The following MAP2 variants were observed in gnomAD, a reference collection of about 807,000 sequenced individuals.
MAP2 encodes microtubule associated protein 2.
A neutral mutation model predicts 137.6 loss-of-function variants in MAP2; 14 were observed. That is an observed-to-expected ratio of 0.10 (90% CI 0.07 to 0.16). The LOEUF is 0.16. Ranked by LOEUF, MAP2 falls within the 10% of genes least tolerant of loss-of-function variation. The pLI, the probability that MAP2 is intolerant of heterozygous loss-of-function variation, is 1.00. For missense variants in MAP2, 2,088 were observed against 2,191.5 expected, an observed-to-expected ratio of 0.95 and a Z score of 0.94; for synonymous variants, 786 against 782.3, an observed-to-expected ratio of 1.00 and a Z score of -0.08.
chr2:209,708,892 C>G (rs995908899), intron 12 of MAP2, among the ~76,000 whole-genome samples: 3 of 152,168 alleles, frequency 2.0e-5, no homozygotes, highest in Admixed American at 6.5e-5. Flanking sequence ...AAGAGCTGCC[C>G]CTAACAACTG....
intron 3 of MAP2, among the ~76,000 whole-genome samples, chr2:209,610,902 G>A (rs2086624961): frequency 6.6e-6 from 1 of 152,106 alleles, no homozygotes; most frequent in Non-Finnish European, 1.5e-5. Flanking sequence ...GACCCAGGAA[G>A]CTTTTGTAGA....
At chr2:209,487,832 G>C (rs1214589041) in intron 1 of MAP2, among the ~76,000 whole-genome samples, 1 of 151,884 alleles carries the variant, frequency 6.6e-6, no homozygotes, top group Non-Finnish European at 1.5e-5. Flanking sequence ...CCTTGAGTAA[G>C]GTAGCCTCTT....
In MAP2 at chr2:209,693,957, G is replaced by GTCT. The variant is rs1346486888; in HGVS notation, c.1788_1789insCTT (p.Ser596_Asp597insLeu). 6.2e-7 allele frequency: 1 copy of GTCT among 1,613,742 alleles called. No individual in the cohort carries two copies. Among genetic ancestry groups the GTCT allele is most frequent in the African/African-American group, 1.3e-5 (1 of 74,896 alleles). ...CCAGGCAGTGATTACTATGAACTGA[G>GTCT]TGACACTAGAGAAAGTGTCCATGAG... On this transcript the variant is annotated inframe_insertion, in exon 8 of 16. Transcript: ENST00000682079.
At chr2:209,657,243 G>A (rs1196683484) in intron 5 of MAP2, among the ~76,000 whole-genome samples, 3 of 152,154 alleles carry the variant, frequency 2.0e-5, no homozygotes, top group Admixed American at 6.5e-5. Flanking sequence ...AAATATATGA[G>A]TGCAGGTGTC....
intron 1 of MAP2, among the ~76,000 whole-genome samples, chr2:209,472,488 TA>T (rs1266283336): frequency 6.6e-6 from 1 of 152,126 alleles, no homozygotes; most frequent in Non-Finnish European, 1.5e-5. Flanking sequence ...AAGTGACACT[TA>T]AAAGCTCATG....
chr2:209,452,816 A>T (rs1053497776), intron 1 of MAP2, among the ~76,000 whole-genome samples: 1 of 151,878 alleles, frequency 6.6e-6, no homozygotes, highest in African/African-American at 2.4e-5. Context: ...TCTTACCTTA[A>T]CTCCTTTGCT....
chr2:209,593,240 C>T (rs1195442255), intron 3 of MAP2, among the ~76,000 whole-genome samples: 1 of 151,924 alleles, frequency 6.6e-6, no homozygotes, highest in African/African-American at 2.4e-5. Context: ...TTTCCTGAAT[C>T]ACCTCTATTT....
At chr2:209,677,144 AC>A (rs2052197938) in intron 5 of MAP2, among the ~76,000 whole-genome samples, 1 of 151,824 alleles carries the variant, frequency 6.6e-6, no homozygotes, top group Non-Finnish European at 1.5e-5. Context: ...TGCCCTCTTC[AC>A]TGAGTAGCAT....
At chr2:209,673,679 A>T (rs2049935714) in intron 5 of MAP2, among the ~76,000 whole-genome samples, 1 of 151,844 alleles carries the variant, frequency 6.6e-6, no homozygotes, top group African/African-American at 2.4e-5. Flanking sequence ...GATCAGTGTT[A>T]CCTTTCAATT....
intron 3 of MAP2, among the ~76,000 whole-genome samples, chr2:209,597,060 T>C (rs906509705): frequency 1.3e-5 from 2 of 152,196 alleles, no homozygotes; most frequent in African/African-American, 4.8e-5. Flanking sequence ...AGAAGTTTTG[T>C]GTGAAATGTG....
chr2:209,614,426 C>T (rs537570125), intron 3 of MAP2, among the ~76,000 whole-genome samples: 2 of 152,122 alleles, frequency 1.3e-5, no homozygotes, highest in Admixed American at 6.6e-5. Flanking sequence ...GCCAAGTCCC[C>T]CATCTTTCTT....
At position 209,668,741 on chromosome 2, in the gene MAP2, A is replaced by G. The variant is rs115659332; in HGVS notation, c.263-9831A>G. Among the ~76,000 whole-genome samples, 1,308 of 152,230 alleles carry G rather than the reference A, an allele frequency of 8.6e-3. 16 individuals carry two copies. Among genetic ancestry groups the G allele is most frequent in the African/African-American group, 0.028 (1,169 of 41,568 alleles). ...TAACTATCATCAATTTTACATATTT[A>G]GAATTTTTCCAGTGAAGGTGCTCCC... On this transcript the variant is annotated intron_variant, in intron 5 of 15. Coordinates refer to ENST00000682079, the MANE Select transcript of MAP2 (RefSeq NM_001375505.1).
intron 3 of MAP2, among the ~76,000 whole-genome samples, chr2:209,596,023 G>A (rs529249862): frequency 1.1e-4 from 16 of 152,216 alleles, no homozygotes; most frequent in African/African-American, 3.4e-4. Context: ...GTTAATGGGT[G>A]CAGCAAACCA....
At chr2:209,440,528 T>G (rs1697498609) in intron 1 of MAP2, among the ~76,000 whole-genome samples, 1 of 151,548 alleles carries the variant, frequency 6.6e-6, no homozygotes, top group Non-Finnish European at 1.5e-5. Flanking sequence ...TAAATTTGTC[T>G]CCAAGACTGC....
At chr2:209,501,165 A>G (rs1483162342) in intron 1 of MAP2, among the ~76,000 whole-genome samples, 1 of 152,086 alleles carries the variant, frequency 6.6e-6, no homozygotes, top group African/African-American at 2.4e-5. Context: ...GTAAGGTGTA[A>G]CTCCAGTAGT....
intron 1 of MAP2, among the ~76,000 whole-genome samples, chr2:209,438,622 C>G (rs1395567358): frequency 1.3e-5 from 2 of 151,512 alleles, no homozygotes; most frequent in South Asian, 2.1e-4. Context: ...AGAATCTCCT[C>G]TCACCATTGA....
chr2:209,467,744 A>T (rs1316863808), intron 1 of MAP2, among the ~76,000 whole-genome samples: 9 of 152,202 alleles, frequency 5.9e-5, no homozygotes, highest in East Asian at 1.9e-4. Flanking sequence ...GACTCTGCAG[A>T]CAGATTGCCA....
At chr2:209,479,406 A>AT (rs1708182902) in intron 1 of MAP2, among the ~76,000 whole-genome samples, 1 of 152,152 alleles carries the variant, frequency 6.6e-6, no homozygotes, top group Non-Finnish European at 1.5e-5. Context: ...ATGCAATTAT[A>AT]TTTTGTCATA....
At chr2:209,425,386 C>T (rs1232076741) in intron 1 of MAP2, among the ~76,000 whole-genome samples, 1 of 152,066 alleles carries the variant, frequency 6.6e-6, no homozygotes, top group Non-Finnish European at 1.5e-5. Context: ...ACACTATATA[C>T]ATGTTACAAA....
Sources: allele counts gnomAD v4.1 joint callset (sites outside exome capture counted in the v4.1 genomes callset), GRCh38; gene constraint gnomAD v4.1.1; transcripts MANE v1.5; gene names NCBI Gene and HGNC (gene_info 2026-07-23, HGNC 2026-07-21).